The following AP2A2 variants were observed in gnomAD, a reference collection of about 807,000 sequenced individuals.
AP2A2 encodes AP-2 complex subunit alpha-2.
In AP2A2, 32 loss-of-function variants were observed where a neutral mutation model predicts 104.2. That is an observed-to-expected ratio of 0.31 (90% CI 0.23 to 0.41). The LOEUF (loss-of-function observed/expected upper bound fraction) is 0.41. Ranked by LOEUF, AP2A2 falls within the 10% of genes least tolerant of loss-of-function variation. The pLI, the probability that AP2A2 is intolerant of heterozygous loss-of-function variation, is 1.00. For missense variants in AP2A2, 912 were observed against 1,261.0 expected, an observed-to-expected ratio of 0.72 and a Z score of 4.19; for synonymous variants, 539 against 533.3, an observed-to-expected ratio of 1.01 and a Z score of -0.15.
chr11:1,001,614 G>A (rs549450689), intron 15 of AP2A2, among the ~76,000 whole-genome samples: 1 of 152,136 alleles, frequency 6.6e-6, no homozygotes, highest in Non-Finnish European at 1.5e-5. Context: ...GGTGCAGGTC[G>A]CCGCTTGGGC....
At chr11:1,000,279 G>C (rs933787375) in intron 14 of AP2A2, among the ~76,000 whole-genome samples, 153 bp from the exon 15 acceptor site, 7 of 152,176 alleles carry the variant, frequency 4.6e-5, no homozygotes, top group Non-Finnish European at 1.0e-4. Flanking sequence ...TCACTCTCTG[G>C]TCACTCACTG....
At position 1,008,084 on chromosome 11, in the gene AP2A2, T is replaced by C. The variant is rs759183571; in HGVS notation, c.2369T>C (p.Ile790Thr). 3.7e-6 allele frequency: 6 copies of C among 1,602,992 alleles called. No homozygotes were observed. Among genetic ancestry groups the C allele is most frequent in the African/African-American group, 1.3e-5 (1 of 74,606 alleles). Residue 790 changes from isoleucine to threonine, a missense_variant, in exon 18 of 22, where the codon ATA (isoleucine) becomes ACA (threonine). Physicochemically the swap from Ile to Thr is moderately conservative, Grantham distance 89. This residue lies in a region of AP2A2 where 239 missense variants were observed against 329.8 expected (regional missense o/e 0.72). Coordinates refer to ENST00000448903, the MANE Select transcript of AP2A2 (RefSeq NM_012305.4). ...GGAQVQQVVN[I>T]ECVSDFTEAP... ...GCGCAGGTGCAGCAGGTGGTCAACATAGAGTGCGTGTCCGACTTCACGGAG... is the reference window on the plus strand; with the variant it reads ...GCGCAGGTGCAGCAGGTGGTCAACACAGAGTGCGTGTCCGACTTCACGGAG...
At chr11:972,368 G>A in intron 4 of AP2A2, 113 bp downstream of exon 4, 1 of 1,199,798 alleles carries the variant, frequency 8.3e-7, no homozygotes, top group Non-Finnish European at 1.1e-6. Flanking sequence ...CCATCTTATG[G>A]GAGATGAGAT....
At chr11:1,007,125 C>A (rs1206384723) in intron 17 of AP2A2, 1 of 155,452 alleles carries the variant, frequency 6.4e-6, no homozygotes, top group African/African-American at 2.4e-5. Flanking sequence ...GAGACGCTAA[C>A]GTCTCTACCT....
At chr11:940,650 C>T in intron 1 of AP2A2, 1 of 356,922 alleles carries the variant, frequency 2.8e-6, no homozygotes, top group Non-Finnish European at 5.5e-6. Context: ...TTGGCGTTTC[C>T]TTCTGTGCAT....
At chr11:960,513 C>T (rs1294047145) in intron 2 of AP2A2, among the ~76,000 whole-genome samples, 2 of 152,242 alleles carry the variant, frequency 1.3e-5, no homozygotes, top group Admixed American at 1.3e-4. Context: ...GCTGGGATTA[C>T]AGGCATGAGC....
rs971197837 is a variant in AP2A2 at position 1,011,222 on chromosome 11, G to T, written c.*597G>T. The T allele has an allele frequency of 3.8e-6, 2 of 519,914 alleles. No individual in the cohort carries two copies. The highest frequency in any genetic ancestry group is 1.1e-4 in the East Asian group (2 of 18,404). 32.2% of individuals were successfully genotyped at this position (519,914 alleles called of 1,614,324 possible). A position where few individuals can be genotyped will look rare whatever the true frequency, so the allele number is the denominator to read the frequency against. On this transcript the variant is annotated 3_prime_UTR_variant, in exon 22 of 22. Transcript: ENST00000448903. ...GCAAAAGCACGTGTCCTGGCCGGAT[G>T]TAACTGTTCTCCTTTCCCAGCTCCT...
rs1855708518 is a variant in AP2A2 at position 992,923 on chromosome 11, C to T, written c.1452+238C>T. Among the ~76,000 whole-genome samples, 1 of 152,160 alleles carries T rather than the reference C, an allele frequency of 6.6e-6. No homozygotes were observed. Among genetic ancestry groups the T allele is most frequent in the African/African-American group, 2.4e-5 (1 of 41,444 alleles). On this transcript the variant is annotated intron_variant, in intron 11 of 21. Transcript: ENST00000448903. This position sits in a 1 kb window ranked among gnomAD's most constrained non-coding sequence, Gnocchi z 6.4. Reference sequence around the variant, plus strand: ...TCTGGGGGCCACCTGAGAAAGCCGGCCTCTGTGTGTGTGAGAGCATGCTGG... The same window carrying T: ...TCTGGGGGCCACCTGAGAAAGCCGGTCTCTGTGTGTGTGAGAGCATGCTGG...
At chr11:973,578 G>A (rs987314879) in intron 4 of AP2A2, among the ~76,000 whole-genome samples, 1 of 152,122 alleles carries the variant, frequency 6.6e-6, no homozygotes, top group African/African-American at 2.4e-5. Flanking sequence ...TGAAGGCACT[G>A]TTGCTCCTCA....
At chr11:948,727 TGTG>T (rs1239162891) in intron 1 of AP2A2, among the ~76,000 whole-genome samples, 2 of 151,966 alleles carry the variant, frequency 1.3e-5, no homozygotes, top group Non-Finnish European at 2.9e-5. Context: ...ATTACCCAAG[TGTG>T]GTGGTGCACA....
At chr11:1,009,030 T>G in intron 18 of AP2A2, 70 bp from the exon 19 acceptor site, 1 of 1,315,802 alleles carries the variant, frequency 7.6e-7, no homozygotes, top group Non-Finnish European at 1.1e-6. Context: ...CACTCCAGGC[T>G]CTTTCCCGGT....
chr11:956,092 C>T (rs901280319), intron 1 of AP2A2, among the ~76,000 whole-genome samples: 1 of 152,204 alleles, frequency 6.6e-6, no homozygotes, highest in African/African-American at 2.4e-5. Flanking sequence ...GTAATCCCAG[C>T]ACTTTAGGAG....
intron 14 of AP2A2, among the ~76,000 whole-genome samples, chr11:996,909 C>A (rs1464765994): frequency 6.6e-6 from 1 of 151,994 alleles, no homozygotes; most frequent in African/African-American, 2.4e-5. Context: ...TCCGTCCTGA[C>A]CGAGAGCTGT....
intron 5 of AP2A2, among the ~76,000 whole-genome samples, 165 bp downstream of exon 5, chr11:977,389 A>T (rs1855083121): frequency 6.6e-6 from 1 of 151,770 alleles, no homozygotes; most frequent in African/African-American, 2.4e-5. Flanking sequence ...GGGCTGGATG[A>T]GTAAGACTCC....
intron 6 of AP2A2, among the ~76,000 whole-genome samples, chr11:983,604 C>G (rs769772332): frequency 2.0e-5 from 3 of 152,010 alleles, no homozygotes; most frequent in East Asian, 3.9e-4. Context: ...AGGATGGTCT[C>G]GATCTCCTGA....
In AP2A2 at chr11:992,874, C is replaced by A. The variant is rs972487945; in HGVS notation, c.1452+189C>A. 5.3e-5 allele frequency among the ~76,000 whole-genome samples: 8 copies of A among 152,140 alleles called. No homozygotes were observed. The highest frequency in any genetic ancestry group is 1.2e-4 in the Non-Finnish European group (8 of 68,016). On this transcript the variant is annotated intron_variant, in intron 11 of 21. Transcript: ENST00000448903. The surrounding 1 kb of genome is among the most constrained non-coding windows in gnomAD (Gnocchi z 6.4). ...CTTGCTGAGTCCCAGTTTCTTCTCA[C>A]CCTAACTCTCAAACTTCTGGCTCTC...
At chr11:1,000,624 G>C in intron 15 of AP2A2, 26 bp downstream of exon 15, 1 of 1,533,652 alleles carries the variant, frequency 6.5e-7, no homozygotes. Context: ...GAGTCCTGCA[G>C]ACAGGCACGG....
At chr11:950,071 A>G (rs767969001) in intron 1 of AP2A2, among the ~76,000 whole-genome samples, 15 of 152,182 alleles carry the variant, frequency 9.9e-5, no homozygotes, top group Non-Finnish European at 1.8e-4. Context: ...AAACCTTTAC[A>G]TTTGTGGTGA....
intron 4 of AP2A2, 31 bp downstream of exon 4, chr11:972,286 T>C: frequency 6.5e-7 from 1 of 1,536,510 alleles, no homozygotes; most frequent in Non-Finnish European, 8.7e-7. Flanking sequence ...GGGCTCCTGC[T>C]GAAGATGTGC....
Sources: allele counts gnomAD v4.1 joint callset (sites outside exome capture counted in the v4.1 genomes callset), GRCh38; gene constraint gnomAD v4.1.1; regional missense constraint gnomAD v4.1.1; non-coding constraint Gnocchi (gnomAD v3.1); transcripts MANE v1.5; gene names NCBI Gene and HGNC (gene_info 2026-07-23, HGNC 2026-07-21).